Variants in PTPRD observed in about 807,000 individuals in gnomAD.
The protein encoded by PTPRD is protein tyrosine phosphatase receptor type D.
A neutral mutation model predicts 214.5 loss-of-function variants in PTPRD; 34 were observed. That is an observed-to-expected ratio of 0.16 (90% CI 0.12 to 0.21). The LOEUF (loss-of-function observed/expected upper bound fraction) is 0.21. Among genes scored for constraint, PTPRD ranks in the 10% least tolerant of loss-of-function variants. The probability of loss-of-function intolerance (pLI) is 1.00; values close to 1 mark genes in which losing one functional copy is unlikely to be tolerated. For synonymous variants in PTPRD, 1,128 were observed against 845.7 expected, an observed-to-expected ratio of 1.33 and a Z score of -5.79; for missense variants, 2,545 against 2,398.7, an observed-to-expected ratio of 1.06 and a Z score of -1.27.
At chr9:9,945,953 A>T (rs1410299217) in intron 4 of PTPRD, among the ~76,000 whole-genome samples, 2 of 144,170 alleles carry the variant, frequency 1.4e-5, no homozygotes, top group African/African-American at 5.3e-5. Flanking sequence ...GTAAAATTTA[A>T]AATGATACAA....
At chr9:9,812,141 T>G (rs903518986) in intron 5 of PTPRD, among the ~76,000 whole-genome samples, 1 of 152,210 alleles carries the variant, frequency 6.6e-6, no homozygotes, top group Middle Eastern at 3.2e-3. Flanking sequence ...ATATGCATTT[T>G]TTTTTAGACA....
chr9:9,226,607 T>G (rs1295929326), intron 9 of PTPRD, among the ~76,000 whole-genome samples: 1 of 152,010 alleles, frequency 6.6e-6, no homozygotes, highest in African/African-American at 2.4e-5. Flanking sequence ...CAAGGTTTTG[T>G]CTTTTATCTA....
At chr9:9,748,322 G>A (rs558739976) in intron 6 of PTPRD, among the ~76,000 whole-genome samples, 15 of 152,248 alleles carry the variant, frequency 9.9e-5, no homozygotes, top group African/African-American at 3.6e-4. Context: ...CACCAGAATT[G>A]TTCTTAATAA....
chr9:8,588,213 C>T (rs1205206692), intron 14 of PTPRD, among the ~76,000 whole-genome samples: 1 of 152,204 alleles, frequency 6.6e-6, no homozygotes, highest in Non-Finnish European at 1.5e-5. Flanking sequence ...GTTCTTGTTA[C>T]AGAAGAGCTT....
At chr9:9,881,604 A>G (rs2068714269) in intron 5 of PTPRD, among the ~76,000 whole-genome samples, 1 of 152,140 alleles carries the variant, frequency 6.6e-6, no homozygotes, top group Admixed American at 6.6e-5. Context: ...TAGCTTTGGA[A>G]CTTCAGTTAG....
chr9:9,519,328 A>C (rs938640621), intron 8 of PTPRD, among the ~76,000 whole-genome samples: 1 of 147,100 alleles, frequency 6.8e-6, no homozygotes, highest in Non-Finnish European at 1.5e-5. Flanking sequence ...ACAAAGTAGA[A>C]GAAAGACAAT....
At chr9:8,842,909 G>T (rs1385551730) in intron 11 of PTPRD, among the ~76,000 whole-genome samples, 1 of 152,146 alleles carries the variant, frequency 6.6e-6, no homozygotes, top group Non-Finnish European at 1.5e-5. Flanking sequence ...AGACACACTT[G>T]CTCTGCGCTG....
chr9:8,791,681 G>T (rs1255148415), intron 11 of PTPRD, among the ~76,000 whole-genome samples: 1 of 151,840 alleles, frequency 6.6e-6, no homozygotes, highest in Non-Finnish European at 1.5e-5. Flanking sequence ...TATCATGAGG[G>T]TTTGTGGACT....
chr9:10,201,422 C>T (rs2099420689), intron 3 of PTPRD, among the ~76,000 whole-genome samples: 1 of 151,968 alleles, frequency 6.6e-6, no homozygotes, highest in South Asian at 2.1e-4. Flanking sequence ...ATGTTTAAAG[C>T]ATAGATCTTG....
chr9:9,229,571 C>G (rs1569564861), intron 9 of PTPRD, among the ~76,000 whole-genome samples: 1 of 152,066 alleles, frequency 6.6e-6, no homozygotes, highest in African/African-American at 2.4e-5. Context: ...ACTTATGGCT[C>G]CTTTGACTAT....
chr9:10,548,999 A>G (rs973343695), intron 2 of PTPRD, among the ~76,000 whole-genome samples: 3 of 152,190 alleles, frequency 2.0e-5, no homozygotes, highest in African/African-American at 7.2e-5. Flanking sequence ...ATTTTCCACA[A>G]GCAACTTCAT....
At chr9:10,342,174 G>T (rs1034388837) in intron 2 of PTPRD, among the ~76,000 whole-genome samples, 1 of 152,014 alleles carries the variant, frequency 6.6e-6, no homozygotes, top group African/African-American at 2.4e-5. Context: ...TTCACTGGAA[G>T]ATCATCAGAT....
At chr9:8,713,735 T>G in intron 12 of PTPRD, 16 of 1,507,610 alleles carry the variant, frequency 1.1e-5, no homozygotes, top group Non-Finnish European at 1.4e-5. Context: ...CGGCAGGCTG[T>G]CAAGCAGTTC....
intron 2 of PTPRD, among the ~76,000 whole-genome samples, chr9:10,380,707 T>A (rs1224147622): frequency 6.6e-6 from 1 of 152,048 alleles, no homozygotes; most frequent in Non-Finnish European, 1.5e-5. Context: ...AAAACGTTTG[T>A]AAATTGAAAT....
intron 7 of PTPRD, among the ~76,000 whole-genome samples, chr9:9,688,749 G>A (rs1430327772): frequency 2.0e-5 from 3 of 151,722 alleles, no homozygotes; most frequent in Non-Finnish European, 4.4e-5. Flanking sequence ...TCCTTAGATA[G>A]ACTACTCTAC....
chr9:8,561,558 G>A (rs950278391), intron 14 of PTPRD, among the ~76,000 whole-genome samples: 9 of 152,124 alleles, frequency 5.9e-5, no homozygotes, highest in Non-Finnish European at 1.0e-4. Context: ...GAGACTCAGC[G>A]GGCTGACTGC....
At chr9:9,384,653 A>T (rs957934266) in intron 9 of PTPRD, among the ~76,000 whole-genome samples, 1 of 151,888 alleles carries the variant, frequency 6.6e-6, no homozygotes, top group Non-Finnish European at 1.5e-5. Context: ...CTGGTTGTTA[A>T]TGTTTCTTGT....
In PTPRD at chr9:9,666,675, T is replaced by C. The variant is rs537897982; in HGVS notation, c.-287+67858A>G. Reference sequence around the variant, plus strand: ...TTGGCTTCTACTGTTCTACCTAAGGTCTTTACTTTCAACTGTCTTGTGGCA... The same window carrying C: ...TTGGCTTCTACTGTTCTACCTAAGGCCTTTACTTTCAACTGTCTTGTGGCA... On this transcript the variant is annotated intron_variant, in intron 7 of 45. Transcript: ENST00000381196. Among the ~76,000 whole-genome samples, 423 of 152,132 alleles carry C rather than the reference T, an allele frequency of 2.8e-3. 2 individuals carry two copies. The highest frequency in any genetic ancestry group is 9.6e-3 in the African/African-American group (399 of 41,548).
intron 11 of PTPRD, among the ~76,000 whole-genome samples, chr9:8,855,821 A>G (rs1247576685): frequency 6.6e-6 from 1 of 152,176 alleles, no homozygotes; most frequent in Admixed American, 6.5e-5. Context: ...AGAAAATTCC[A>G]GGCAGGCACA....
Sources: gnomAD v4.1 joint callset for allele counts (sites outside exome capture counted in the v4.1 genomes callset) on GRCh38, gnomAD v4.1.1 for gene constraint, MANE v1.5 for transcripts, NCBI Gene and HGNC (gene_info 2026-07-23, HGNC 2026-07-21) for gene names.